The following CNTNAP5 variants were observed in gnomAD, a reference collection of about 807,000 sequenced individuals.
CNTNAP5 encodes contactin associated protein family member 5, also known as contactin-associated protein-like 5.
CNTNAP5 carries 72 observed loss-of-function variants against 150.2 expected under a neutral mutation model. The ratio of observed to expected loss-of-function variants is 0.48; its 90% CI spans 0.40 to 0.58. The LOEUF is 0.58. CNTNAP5 is among the 20% of genes least tolerant of loss of function. CNTNAP5 has a pLI of 0.00. For missense variants in CNTNAP5, 1,636 were observed against 1,626.2 expected (o/e 1.01, Z -0.10); for synonymous variants, 672 against 619.8 (o/e 1.08, Z -1.25).
At chr2:124,333,707 G>A (rs1689405095) in intron 3 of CNTNAP5, among the ~76,000 whole-genome samples, 1 of 152,046 alleles carries the variant, frequency 6.6e-6, no homozygotes, top group Non-Finnish European at 1.5e-5. Flanking sequence ...TTCTTAACTG[G>A]ATTTTGATTT....
At position 124,851,934 on chromosome 2, in the gene CNTNAP5, A is replaced by G. The variant is rs77378029; in HGVS notation, c.3218-13372A>G. Among the ~76,000 whole-genome samples the G allele has an allele frequency of 5.3e-3, 804 of 152,292 alleles. 4 individuals are homozygous for G. The highest frequency in any genetic ancestry group is 0.01 in the Admixed American group (155 of 15,286). ...AAACAAATATCCACTTTCAAGAAGC[A>G]AGAATGGGCCAAGGGACTTGAGGCT... On this transcript the variant is annotated intron_variant, in intron 19 of 23. Coordinates refer to ENST00000682447, the MANE Select transcript of CNTNAP5 (RefSeq NM_001367498.1).
chr2:124,520,629 C>A (rs1478838730), intron 8 of CNTNAP5, among the ~76,000 whole-genome samples: 1 of 152,106 alleles, frequency 6.6e-6, no homozygotes, highest in Non-Finnish European at 1.5e-5. Context: ...TTCTGGAACC[C>A]AAATCCCATC....
chr2:124,741,379 A>T (rs1180958762), intron 13 of CNTNAP5, among the ~76,000 whole-genome samples: 1 of 152,132 alleles, frequency 6.6e-6, no homozygotes, highest in Non-Finnish European at 1.5e-5. Flanking sequence ...TGTTGTGTTT[A>T]CTGTTTCCCA....
At chr2:124,098,366 A>C (rs192103636) in intron 1 of CNTNAP5, among the ~76,000 whole-genome samples, 470 of 152,284 alleles carry the variant, frequency 3.1e-3, no homozygotes, top group Non-Finnish European at 5.1e-3. Flanking sequence ...CAGGGGTGGC[A>C]GAAGTGGAAG....
At chr2:124,027,273 A>G (rs1057482298) in intron 1 of CNTNAP5, among the ~76,000 whole-genome samples, 2 of 152,214 alleles carry the variant, frequency 1.3e-5, no homozygotes, top group Non-Finnish European at 2.9e-5. Flanking sequence ...AAGAGGAGGT[A>G]AGGCACAGCG....
At chr2:124,512,930 T>C (rs1694626444) in intron 8 of CNTNAP5, among the ~76,000 whole-genome samples, 1 of 152,222 alleles carries the variant, frequency 6.6e-6, no homozygotes, top group Admixed American at 6.5e-5. Flanking sequence ...ATCCTGTAGC[T>C]ATGGTCAACA....
intron 1 of CNTNAP5, among the ~76,000 whole-genome samples, chr2:124,047,949 G>A (rs561452576): frequency 2.0e-5 from 3 of 152,228 alleles, no homozygotes; most frequent in African/African-American, 7.2e-5. Context: ...GCATGCACAT[G>A]TGCATACACA....
intron 2 of CNTNAP5, among the ~76,000 whole-genome samples, chr2:124,239,810 C>CTG (rs1269705118): frequency 3.2e-4 from 48 of 152,116 alleles, no homozygotes; most frequent in Admixed American, 1.2e-3. Context: ...TAAAACCTCC[C>CTG]TCTCTATAAG....
At chr2:124,303,991 A>T (rs1255139946) in intron 3 of CNTNAP5, among the ~76,000 whole-genome samples, 3 of 152,188 alleles carry the variant, frequency 2.0e-5, no homozygotes. Context: ...TGTTTGGGAC[A>T]TTGCATTTCA....
At chr2:124,325,352 T>C (rs1220041920) in intron 3 of CNTNAP5, among the ~76,000 whole-genome samples, 1 of 152,226 alleles carries the variant, frequency 6.6e-6, no homozygotes, top group Non-Finnish European at 1.5e-5. Context: ...TTTTATTATA[T>C]AAACTTGAAC....
chr2:124,751,219 T>C (rs1680720836), intron 14 of CNTNAP5, among the ~76,000 whole-genome samples: 1 of 151,216 alleles, frequency 6.6e-6, no homozygotes, highest in African/African-American at 2.4e-5. Flanking sequence ...CAAGTAGGGG[T>C]TGGGGGTAGG....
chr2:124,496,905 C>T (rs185198042), intron 7 of CNTNAP5, among the ~76,000 whole-genome samples: 1 of 152,262 alleles, frequency 6.6e-6, no homozygotes, highest in South Asian at 2.1e-4. Context: ...TCCTTTCAGT[C>T]GTAGCCTATC....
intron 3 of CNTNAP5, among the ~76,000 whole-genome samples, chr2:124,315,203 C>G (rs1688933846): frequency 6.6e-6 from 1 of 152,124 alleles, no homozygotes; most frequent in South Asian, 2.1e-4. Flanking sequence ...TCAAGTGGTC[C>G]TCCTGTCAAG....
chr2:124,442,470 G>C (rs1573997431), intron 5 of CNTNAP5, among the ~76,000 whole-genome samples: 1 of 152,150 alleles, frequency 6.6e-6, no homozygotes, highest in South Asian at 2.1e-4. Context: ...GGCCACTCAA[G>C]GATTTTAAAA....
At chr2:124,257,741 C>T (rs1011932630) in intron 3 of CNTNAP5, among the ~76,000 whole-genome samples, 6 of 151,752 alleles carry the variant, frequency 4.0e-5, no homozygotes, top group African/African-American at 1.2e-4. Flanking sequence ...CCCCACCCAA[C>T]ATGTTGCTCC....
At chr2:124,576,096 G>T (rs1239634823) in intron 11 of CNTNAP5, among the ~76,000 whole-genome samples, 9 of 152,126 alleles carry the variant, frequency 5.9e-5, no homozygotes, top group African/African-American at 2.2e-4. Context: ...TGTAGTTCCA[G>T]ATTTTAAGAT....
At chr2:124,569,289 T>C (rs1696099436) in intron 11 of CNTNAP5, among the ~76,000 whole-genome samples, 2 of 152,186 alleles carry the variant, frequency 1.3e-5, no homozygotes, top group Admixed American at 1.3e-4. Context: ...AAAACGTTTT[T>C]ACATGTATTT....
chr2:124,463,557 A>T (rs1337128650), intron 6 of CNTNAP5, among the ~76,000 whole-genome samples: 1 of 152,134 alleles, frequency 6.6e-6, no homozygotes, highest in African/African-American at 2.4e-5. Context: ...TGCTGCTATC[A>T]CTGTGCCCCA....
rs960442981 is a variant in CNTNAP5 at position 124,911,381 on chromosome 2, T to G, written c.3656-86T>G. 69 of 904,904 alleles carry G rather than the reference T, an allele frequency of 7.6e-5. No individual in the cohort carries two copies. In the African/African-American group the frequency reaches 9.8e-4, roughly 13 times the overall value. 56.1% of individuals were successfully genotyped at this position (904,904 alleles called of 1,614,324 possible). A position where few individuals can be genotyped will look rare whatever the true frequency, so the allele number is the denominator to read the frequency against. ...GAGGGCACCTGGTGTAATGCACAGGTGTGTCATTCCAGGTGGGCCACACTG... is the reference window on the plus strand; with the variant it reads ...GAGGGCACCTGGTGTAATGCACAGGGGTGTCATTCCAGGTGGGCCACACTG... On this transcript the variant is annotated intron_variant, in intron 22 of 23. Transcript: ENST00000682447.
Sources: allele counts gnomAD v4.1 joint callset (sites outside exome capture counted in the v4.1 genomes callset), GRCh38; gene constraint gnomAD v4.1.1; transcripts MANE v1.5; gene names NCBI Gene and HGNC (gene_info 2026-07-23, HGNC 2026-07-21).